The following NLRP9 variants were observed in gnomAD, a reference collection of about 807,000 sequenced individuals.
The protein encoded by NLRP9 is NLR family pyrin domain containing 9, also known as NACHT, LRR and PYD domains-containing protein 9.
Under a neutral mutation model 83.1 loss-of-function variants are expected in NLRP9, and 88 were observed. The observed-to-expected ratio is 1.06, with a 90% CI of 0.89 to 1.26. The LOEUF (loss-of-function observed/expected upper bound fraction) is 1.26. NLRP9 is among the 50% of genes most tolerant of loss of function. The pLI is 0.00. For synonymous variants in NLRP9, 521 were observed against 447.6 expected, an observed-to-expected ratio of 1.16 and a Z score of -2.07; for missense variants, 1,308 against 1,179.3, an observed-to-expected ratio of 1.11 and a Z score of -1.60.
chr19:55,729,750 T>G, intron 3 of NLRP9, 81 bp downstream of exon 3: 1 of 1,131,880 alleles, frequency 8.8e-7, no homozygotes, highest in Non-Finnish European at 1.3e-6. Context: ...CATTTATGCA[T>G]GGGTCTTCTT....
chr19:55,729,044 CTTTT>C (rs199974942), intron 3 of NLRP9, among the ~76,000 whole-genome samples: 76 of 98,260 alleles, frequency 7.7e-4, no homozygotes, highest in East Asian at 6.1e-3. Flanking sequence ...TCTTATTTTT[CTTTT>C]TCTTTTTTTT....
intron 6 of NLRP9, among the ~76,000 whole-genome samples, chr19:55,713,853 TTCCCCTCTCCTCCCCCATCC>T (rs1435879024): frequency 4.5e-5 from 3 of 66,032 alleles, no homozygotes; most frequent in African/African-American, 6.7e-5. Flanking sequence ...CCATCCCCTC[TTCCCCTCTCCTCCCCCATCC>T]TCCCCTCTCC....
At position 55,708,930 on chromosome 19, in the gene NLRP9, G is replaced by C; in HGVS notation, c.2958C>G (p.Ile986Met). Residue 986 changes from isoleucine (I) to methionine (M), a missense_variant, in exon 9 of 9, where the codon ATC (isoleucine) becomes ATG (methionine). By Grantham distance (10) the Ile-to-Met change is conservative. Transcript: ENST00000332836. Reference protein sequence around the residue: ...HGPWIDEEYKIRGVLL With the variant: ...HGPWIDEEYKMRGVLL ...TTCCCCATCAGAGGAGCACACCCCT[G>C]ATCTTGTATTCCTCGTCAATCCAAG... The C allele has an allele frequency of 1.3e-6, 2 of 1,560,434 alleles. No individual in the cohort carries two copies. The highest frequency in any genetic ancestry group is 1.7e-6 in the Non-Finnish European group (2 of 1,160,748).
rs781125635 is a variant in NLRP9, at chr19:55,712,424, G to A, written c.2668C>T (p.Leu890Phe). 9.9e-6 allele frequency: 16 copies of A among 1,611,562 alleles called. No individual in the cohort carries two copies. The East Asian group carries it at 1.3e-4, about 13-fold the overall frequency. The change falls in exon 7 of 9, where the codon CTC (leucine) becomes TTC (phenylalanine). Residue 890 changes from leucine to phenylalanine, a missense_variant. Coordinates refer to ENST00000332836, the MANE Select transcript of NLRP9 (RefSeq NM_176820.4). Reference protein sequence around the residue: ...LQHPHCKLECLGLQTCPITRA... With the variant: ...LQHPHCKLECFGLQTCPITRA... ...TGGTGATCAGTAGATACTCACCCGA[G>A]ACACTCTAATTTACAGTGAGGATGC...
At position 55,738,316 on chromosome 19, in the gene NLRP9, T is replaced by A; in HGVS notation, c.59A>T (p.Lys20Met). The A allele has an allele frequency of 6.2e-7, 1 of 1,614,116 alleles. No homozygotes were observed. The highest frequency in any genetic ancestry group is 1.3e-5 in the African/African-American group (1 of 75,022). The change falls in exon 1 of 9, where the codon AAG becomes ATG. Residue 20 changes from lysine to methionine, a missense_variant. Physicochemically the swap from Lys to Met is moderately conservative, Grantham distance 95. Coordinates refer to ENST00000332836, the MANE Select transcript of NLRP9 (RefSeq NM_176820.4). ...CTCCTTAAATTTCCAAAACTCTTCC[T>A]TTCTGAGCTCCTTCAGATACCACAA... ...GLLWYLKELRKEEFWKFKELL... is the reference protein window; with the variant it reads ...GLLWYLKELRMEEFWKFKELL...
At position 55,716,720 on chromosome 19, in the gene NLRP9, C is replaced by G. The variant is rs1405593129; in HGVS notation, c.2330+8G>C. 3 of 1,611,570 alleles carry G rather than the reference C, an allele frequency of 1.9e-6. No individual in the cohort carries two copies. Among genetic ancestry groups the G allele is most frequent in the Admixed American group, 1.7e-5 (1 of 59,984 alleles). On this transcript the variant is annotated splice_region_variant and intron_variant, in intron 5 of 8. Coordinates refer to ENST00000332836, the MANE Select transcript of NLRP9 (RefSeq NM_176820.4). ...ATCTCCGAACGTGCTTCCCGCAGAC[C>G]AACTTACATCAGCCTCTCCAGGGCA...
chr19:55,724,079 A>C lies in NLRP9; in HGVS notation c.2060T>G (p.Leu687Arg). Reference protein sequence around the residue: ...LFKAVLHNPHLKLLSLYGTSL... With the variant: ...LFKAVLHNPHRKLLSLYGTSL... ...AGTGCCGTACAGGCTCAGAAGTTTC[A>C]GATGAGGGTTGTGAAGAACTGCCTT... Residue 687 changes from leucine to arginine, a missense_variant, in exon 4 of 9, where the codon CTG (leucine) becomes CGG (arginine). Transcript: ENST00000332836. The C allele has an allele frequency of 6.2e-7, 1 of 1,613,592 alleles. No homozygotes were observed. Among genetic ancestry groups the C allele is most frequent in the Non-Finnish European group, 8.5e-7 (1 of 1,179,440 alleles).
At position 55,711,250 on chromosome 19, in the gene NLRP9, T is replaced by TA. The variant is rs540587585; in HGVS notation, c.2843+549dup. ...CCCCGCCCATTTGTTTTTTAAAAAA[T>TA]AAAAAAATAACTTTTAAAAATTAAA... On this transcript the variant is annotated intron_variant, in intron 8 of 8. Transcript: ENST00000332836. 654 of 510,424 alleles carry TA rather than the reference T, an allele frequency of 1.3e-3. 2 individuals are homozygous for TA. Among genetic ancestry groups the TA allele is most frequent in the Non-Finnish European group, 1.5e-3 (613 of 396,518 alleles). The allele number at this position is 510,424 out of a possible 1,614,324, so 31.6% of individuals were successfully genotyped here.
At chr19:55,717,380 A>G (rs984935466) in intron 4 of NLRP9, among the ~76,000 whole-genome samples, 2 of 152,184 alleles carry the variant, frequency 1.3e-5, no homozygotes, top group Non-Finnish European at 1.5e-5. Flanking sequence ...TGACTCCCTC[A>G]TTAATCCCGT....
intron 6 of NLRP9, among the ~76,000 whole-genome samples, chr19:55,713,098 C>T (rs1987832937): frequency 6.6e-6 from 1 of 150,502 alleles, no homozygotes; most frequent in Non-Finnish European, 1.5e-5. Flanking sequence ...TCTGTGGCCT[C>T]TCCTCATTAT....
intron 2 of NLRP9, 138 bp downstream of exon 2, chr19:55,731,861 A>C: frequency 1.7e-6 from 1 of 586,648 alleles, no homozygotes; most frequent in Non-Finnish European, 3.0e-6. Flanking sequence ...AGCAGTGCCA[A>C]GGCTCGAAAG....
In NLRP9 at chr19:55,732,964, A is replaced by G. The variant is rs750661112; in HGVS notation, c.867T>C (p.His289=). Residue 289 remains histidine (H), a synonymous_variant, in exon 2 of 9, where the codon CAT becomes CAC. Coordinates refer to ENST00000332836, the MANE Select transcript of NLRP9 (RefSeq NM_176820.4). ...AMQKHYFMLR[H]PKLIKLLGFS... ...ATCCTAAGAGCTTTATGAGTTTTGG[A>G]TGCCGCAACATAAAATAGTGTTTTT... The G allele has an allele frequency of 6.2e-7, 1 of 1,614,150 alleles. No individual in the cohort carries two copies. The highest frequency in any genetic ancestry group is 2.2e-5 in the East Asian group (1 of 44,884).
chr19:55,724,496 C>G (rs1018121017), intron 3 of NLRP9, among the ~76,000 whole-genome samples: 5 of 152,050 alleles, frequency 3.3e-5, no homozygotes, highest in Admixed American at 6.6e-5. Context: ...GTGATTAATG[C>G]CTCACATAAA....
chr19:55,717,026 T>G, intron 4 of NLRP9, 128 bp from the exon 5 acceptor site: 1 of 535,518 alleles, frequency 1.9e-6, no homozygotes, highest in Non-Finnish European at 3.2e-6. Flanking sequence ...CACTACAGAC[T>G]CTTTTTCTTT....
intron 8 of NLRP9, among the ~76,000 whole-genome samples, chr19:55,711,108 C>CAA (rs568342962): frequency 0.043 from 6,218 of 144,618 alleles, 243 homozygotes; most frequent in East Asian, 0.16. Context: ...CAAAACAAAA[C>CAA]AAAAAAAAAA....
chr19:55,736,980 C>T (rs1334323367), intron 1 of NLRP9, among the ~76,000 whole-genome samples: 1 of 151,712 alleles, frequency 6.6e-6, no homozygotes, highest in Non-Finnish European at 1.5e-5. Flanking sequence ...ATGAACAAAA[C>T]AGAAGTAAAC....
chr19:55,711,892 GCTC>G lies in NLRP9; in HGVS notation c.2748_2750del (p.Arg916del), dbSNP rs773140755. Reference sequence around the variant, plus strand: ...CCAAGGCAATCCAGTCGAGGTTCAGGCTCCTCAGTGTTTTGCAGGCGATGAGTG... The same window carrying G: ...CCAAGGCAATCCAGTCGAGGTTCAGGCTCAGTGTTTTGCAGGCGATGAGTG... On this transcript the variant is annotated inframe_deletion, in exon 8 of 9. Transcript: ENST00000332836. 1.9e-6 allele frequency: 3 copies of G among 1,613,314 alleles called. No homozygotes were observed. In the Admixed American group the frequency reaches 5.0e-5, roughly 27 times the overall value.
chr19:55,725,800 G>A (rs905719856), intron 3 of NLRP9, among the ~76,000 whole-genome samples: 2 of 152,120 alleles, frequency 1.3e-5, no homozygotes, highest in African/African-American at 4.8e-5. Context: ...GCTGAGGTGG[G>A]TGGATTGCTT....
At chr19:55,735,166 C>T (rs963347093) in intron 1 of NLRP9, among the ~76,000 whole-genome samples, 2 of 152,232 alleles carry the variant, frequency 1.3e-5, no homozygotes, top group African/African-American at 4.8e-5. Context: ...CTGTGGACAT[C>T]ACAGGAGGGA....
Sources: allele counts gnomAD v4.1 joint callset (sites outside exome capture counted in the v4.1 genomes callset), GRCh38; gene constraint gnomAD v4.1.1; transcripts MANE v1.5; gene names NCBI Gene and HGNC (gene_info 2026-07-23, HGNC 2026-07-21).